Variants in ZHX3 observed in about 807,000 individuals in gnomAD.
ZHX3 encodes the protein zinc fingers and homeoboxes protein 3.
A neutral mutation model predicts 64.5 loss-of-function variants in ZHX3; 20 were observed. The ratio of observed to expected loss-of-function variants is 0.31; its 90% confidence interval spans 0.22 to 0.45. The LOEUF (loss-of-function observed/expected upper bound fraction) is 0.45, where lower values mean the gene tolerates loss of function less well. Ranked by LOEUF, ZHX3 falls within the 20% of genes least tolerant of loss-of-function variation. ZHX3 has a pLI of 1.00. For synonymous variants in ZHX3, 423 were observed against 461.6 expected, an observed-to-expected ratio of 0.92 and a Z score of 1.07; for missense variants, 1,041 against 1,195.8, an observed-to-expected ratio of 0.87 and a Z score of 1.91.
intron 1 of ZHX3, among the ~76,000 whole-genome samples, chr20:41,290,077 A>G (rs2082152203): frequency 6.6e-6 from 1 of 152,218 alleles, no homozygotes; most frequent in Non-Finnish European, 1.5e-5. Flanking sequence ...GTCTGTAGTC[A>G]CTACTATGAA....
At chr20:41,293,563 AG>A (rs1166534160) in intron 1 of ZHX3, among the ~76,000 whole-genome samples, 1 of 152,240 alleles carries the variant, frequency 6.6e-6, no homozygotes, top group Non-Finnish European at 1.5e-5. Flanking sequence ...GAAAAAAAAA[AG>A]TAAGGCACAC....
At chr20:41,282,677 C>G (rs1370581131) in intron 1 of ZHX3, among the ~76,000 whole-genome samples, 2 of 152,120 alleles carry the variant, frequency 1.3e-5, no homozygotes, top group Non-Finnish European at 2.9e-5. Context: ...TCTTTCGATG[C>G]CTCTAATGAA....
In ZHX3 at chr20:41,201,862, C is replaced by T. The variant is rs2038245914; in HGVS notation, c.2860+195G>A. Reference sequence around the variant, plus strand: ...TAAAAACACATGAAACAAAAAACAGCTCTCAACCGTTTATCATATTATATT... The same window carrying T: ...TAAAAACACATGAAACAAAAAACAGTTCTCAACCGTTTATCATATTATATT... On this transcript the variant is annotated intron_variant, in intron 3 of 3. Coordinates refer to ENST00000683867, the MANE Select transcript of ZHX3 (RefSeq NM_001384317.1). This position sits in a 1 kb window ranked among gnomAD's most constrained non-coding sequence, Gnocchi z 5.0. Among the ~76,000 whole-genome samples the T allele has an allele frequency of 6.6e-6, 1 of 152,204 alleles. No individual in the cohort carries two copies. The highest frequency in any genetic ancestry group is 2.4e-5 in the African/African-American group (1 of 41,452).
At chr20:41,314,248 C>T (rs1321734671) in intron 1 of ZHX3, among the ~76,000 whole-genome samples, 1 of 152,116 alleles carries the variant, frequency 6.6e-6, no homozygotes, top group African/African-American at 2.4e-5. Flanking sequence ...GAAACTGGTA[C>T]TTTCAAACAG....
rs745353339 is a variant in ZHX3 at position 41,202,448 on chromosome 20, T to C, written c.2469A>G (p.Gln823=). 6.2e-7 allele frequency: 1 copy of C among 1,614,172 alleles called. No individual in the cohort carries two copies. Among genetic ancestry groups the C allele is most frequent in the Non-Finnish European group, 8.5e-7 (1 of 1,180,026 alleles). Residue 823 remains glutamine (Q), a synonymous_variant, in exon 3 of 4, where the codon CAA becomes CAG. Coordinates refer to ENST00000683867, the MANE Select transcript of ZHX3 (RefSeq NM_001384317.1). This position sits in a 1 kb window ranked among gnomAD's most constrained non-coding sequence, Gnocchi z 7.0. ...GDSRYALKNG[Q]LKWYEDYKRG... is the part of the protein sequence containing the mutation. The stretch of plus-strand genomic sequence containing the variant: ...GCTTATAGTCTTCGTACCATTTGAG[T>C]TGGCCGTTCTTCAGTGCGTACCTGC...
chr20:41,185,960 A>C lies in ZHX3; in HGVS notation c.2861-759T>G, dbSNP rs2036484235. ...CAATGCTTGTCATTCAAATCCACTC[A>C]TCACATTTCCATGTTGACTTTAAGA... On this transcript the variant is annotated intron_variant, in intron 3 of 3. Transcript: ENST00000683867. This position sits in a 1 kb window ranked among gnomAD's most constrained non-coding sequence, Gnocchi z 5.0. Among the ~76,000 whole-genome samples the C allele has an allele frequency of 6.6e-6, 1 of 152,264 alleles. No homozygotes were observed. Among genetic ancestry groups the C allele is most frequent in the Admixed American group, 6.5e-5 (1 of 15,292 alleles).
At position 41,219,348 on chromosome 20, in the gene ZHX3, A is replaced by T. The variant is rs1002305724; in HGVS notation, c.-150-14282T>A. On this transcript the variant is annotated intron_variant, in intron 2 of 3. Transcript: ENST00000683867. The surrounding 1 kb of genome is among the most constrained non-coding windows in gnomAD (Gnocchi z 5.0). ...TTCTCAAGCTCAGAAGGTGATTGTG[A>T]TATAAATACAAAGGCCTCAGAATTA... 2.0e-5 allele frequency among the ~76,000 whole-genome samples: 3 copies of T among 152,212 alleles called. No homozygotes were observed. The highest frequency in any genetic ancestry group is 2.0e-4 in the Admixed American group (3 of 15,286).
intron 1 of ZHX3, among the ~76,000 whole-genome samples, chr20:41,301,344 A>G (rs969388247): frequency 3.3e-5 from 5 of 151,834 alleles, no homozygotes; most frequent in Non-Finnish European, 7.4e-5. Flanking sequence ...ACCACCCCAT[A>G]CTCAAAATAT....
chr20:41,253,026 C>T (rs1270856636), intron 2 of ZHX3, among the ~76,000 whole-genome samples: 2 of 152,128 alleles, frequency 1.3e-5, no homozygotes, highest in African/African-American at 2.4e-5. Context: ...ATCTCTAGGG[C>T]CACACAGGAT....
intron 1 of ZHX3, among the ~76,000 whole-genome samples, chr20:41,296,542 C>G (rs1311693740): frequency 6.6e-6 from 1 of 152,182 alleles, no homozygotes; most frequent in Non-Finnish European, 1.5e-5. Flanking sequence ...AAATGCTCAT[C>G]TCATCCTTTT....
intron 2 of ZHX3, among the ~76,000 whole-genome samples, chr20:41,208,956 T>C (rs1307364137): frequency 7.9e-5 from 12 of 152,242 alleles, no homozygotes; most frequent in South Asian, 2.1e-4. Context: ...CGTCTCAGCC[T>C]AAAATCTCCT....
At chr20:41,194,390 G>T (rs768174229) in intron 3 of ZHX3, among the ~76,000 whole-genome samples, 17 of 152,138 alleles carry the variant, frequency 1.1e-4, no homozygotes, top group Non-Finnish European at 1.5e-4. Context: ...ATATTCATGT[G>T]CCAGGCAATC....
Position 41,184,862 on chromosome 20 carries a change from G to A in ZHX3, c.*329C>T, listed in dbSNP as rs1042929387. 8.8e-6 allele frequency: 13 copies of A among 1,471,088 alleles called. No individual in the cohort carries two copies. In the Admixed American group the frequency reaches 1.7e-4, roughly 19 times the overall value. 91.1% of individuals were successfully genotyped at this position (1,471,088 alleles called of 1,614,324 possible). Reference sequence around the variant, plus strand: ...CTGATGTTTTATTTAACATATAGAGGTGGATGTATATGTTAAAAGCTTGAT... The same window carrying A: ...CTGATGTTTTATTTAACATATAGAGATGGATGTATATGTTAAAAGCTTGAT... On this transcript the variant is annotated 3_prime_UTR_variant, in exon 4 of 4. Transcript: ENST00000683867.
At chr20:41,194,381 T>C (rs752312977) in intron 3 of ZHX3, among the ~76,000 whole-genome samples, 18 of 152,206 alleles carry the variant, frequency 1.2e-4, no homozygotes, top group Non-Finnish European at 2.4e-4. Flanking sequence ...ATTACATTGA[T>C]ATTCATGTGC....
rs569730780 is a variant in ZHX3, at chr20:41,228,413, G to A, written c.-150-23347C>T. ...TCTCACCATTTGTCTTAGTCCGTTCGGGGTGCTATAACAAAAACATCATAG... is the reference window on the plus strand; with the variant it reads ...TCTCACCATTTGTCTTAGTCCGTTCAGGGTGCTATAACAAAAACATCATAG... On this transcript the variant is annotated intron_variant, in intron 2 of 3. Transcript: ENST00000683867. The surrounding 1 kb of genome is among the most constrained non-coding windows in gnomAD (Gnocchi z 4.6). Among the ~76,000 whole-genome samples, 13 of 152,214 alleles carry A rather than the reference G, an allele frequency of 8.5e-5. No individual in the cohort carries two copies. The highest frequency in any genetic ancestry group is 2.6e-4 in the Admixed American group (4 of 15,286).
chr20:41,238,784 T>G (rs1295573503), intron 2 of ZHX3: 1 of 152,052 alleles, frequency 6.6e-6, no homozygotes, highest in Non-Finnish European at 1.5e-5. Context: ...TCTTGGTCCA[T>G]GGGTTAGAAT....
chr20:41,310,157 C>T (rs2045089126), intron 1 of ZHX3, among the ~76,000 whole-genome samples: 1 of 152,204 alleles, frequency 6.6e-6, no homozygotes, highest in African/African-American at 2.4e-5. Flanking sequence ...CAGCAAACCC[C>T]AACCCTGGCT....
intron 3 of ZHX3, among the ~76,000 whole-genome samples, chr20:41,191,461 T>G (rs1192406128): frequency 2.0e-5 from 3 of 152,240 alleles, no homozygotes; most frequent in Non-Finnish European, 2.9e-5. Context: ...TTGAGCTTCC[T>G]TACACTCAAT....
chr20:41,282,359 A>ATGTTTTTTTTTT (rs1442916638), intron 1 of ZHX3, among the ~76,000 whole-genome samples: 5 of 60,686 alleles, frequency 8.2e-5, no homozygotes, highest in Admixed American at 7.8e-4. Context: ...GACACAATTC[A>ATGTTTTTTTTTT]TCTTTTTTTT....
Sources: gnomAD v4.1 joint callset for allele counts (sites outside exome capture counted in the v4.1 genomes callset) on GRCh38, gnomAD v4.1.1 for gene constraint, Gnocchi (gnomAD v3.1) non-coding constraint, MANE v1.5 for transcripts, NCBI Gene and HGNC (gene_info 2026-07-23, HGNC 2026-07-21) for gene names.